The following WIZ variants were observed in gnomAD, a reference collection of about 807,000 sequenced individuals.
The protein encoded by WIZ is WIZ zinc finger.
A neutral mutation model predicts 140.2 loss-of-function variants in WIZ; 25 were observed. The observed-to-expected ratio is 0.18, with a 90% CI of 0.13 to 0.25. The LOEUF (loss-of-function observed/expected upper bound fraction) is 0.25, where lower values mean the gene tolerates loss of function less well. WIZ is among the 10% of genes least tolerant of loss of function. WIZ has a pLI of 1.00. For synonymous variants in WIZ, 1,125 were observed against 1,154.3 expected (o/e 0.97, Z 0.51); for missense variants, 2,231 against 2,632.6 (o/e 0.85, Z 3.34).
chr19:15,442,795 G>A lies in WIZ; in HGVS notation c.206-47C>T, dbSNP rs942056682. 9.4e-6 allele frequency: 11 copies of A among 1,173,302 alleles called. No individual in the cohort carries two copies. The African/African-American group carries it at 1.1e-4, about 12-fold the overall frequency. The allele number at this position is 1,173,302 out of a possible 1,614,324, so 72.7% of individuals were successfully genotyped here. A position where few individuals can be genotyped will look rare whatever the true frequency, so the allele number is the denominator to read the frequency against. On this transcript the variant is annotated intron_variant, in intron 2 of 12. Transcript: ENST00000673675. This position sits in a 1 kb window ranked among gnomAD's most constrained non-coding sequence, Gnocchi z 5.5. ...CTGAGGGGCTGGGGTCCCCCTGGCC[G>A]GGGCCCTCCACACCCCAGCTCCAGG...
chr19:15,446,470 G>A (rs1489294289), intron 2 of WIZ, among the ~76,000 whole-genome samples: 1 of 152,162 alleles, frequency 6.6e-6, no homozygotes, highest in Non-Finnish European at 1.5e-5. Context: ...GCTTAGAGGA[G>A]GGGATTGCTA....
Position 15,427,388 on chromosome 19 carries a change from G to T in WIZ, c.3960C>A (p.Asp1320Glu). ...GTCTCTTCAGGATCTCCCGCAGCGT[G>T]TCGATGGGCGAGCCATTGACGTACC... is the stretch of plus-strand genomic sequence containing the variant. The part of the protein sequence containing the change: ...TEWYVNGSPI[D>E]TLREILKRRT... The change falls in exon 9 of 13, where the codon GAC becomes GAA. Residue 1320 changes from aspartate (D) to glutamate (E), a missense_variant. Around this residue, in one of 15 missense-constraint regions of WIZ, gnomAD observed 393 missense variants for 451.7 expected, o/e 0.87. Transcript: ENST00000673675. This position sits in a 1 kb window ranked among gnomAD's most constrained non-coding sequence, Gnocchi z 6.4. 6.2e-7 allele frequency: 1 copy of T among 1,613,540 alleles called. No individual in the cohort carries two copies. Among genetic ancestry groups the T allele is most frequent in the Non-Finnish European group, 8.5e-7 (1 of 1,179,994 alleles).
At chr19:15,431,295 G>A (rs1969220982) in intron 5 of WIZ, 113 bp from the exon 6 acceptor site, 4 of 1,309,972 alleles carry the variant, frequency 3.1e-6, no homozygotes, top group Non-Finnish European at 4.0e-6. Context: ...TCTGCGAAGC[G>A]ACTCACCCCA....
rs1968584272 is a variant in WIZ, at chr19:15,424,442, A to C, written c.5315-64T>G. 6.4e-7 allele frequency: 1 copy of C among 1,568,104 alleles called. No homozygotes were observed. Among genetic ancestry groups the C allele is most frequent in the Non-Finnish European group, 8.6e-7 (1 of 1,158,300 alleles). On this transcript the variant is annotated intron_variant, in intron 11 of 12. Transcript: ENST00000673675. The surrounding 1 kb of genome is among the most constrained non-coding windows in gnomAD (Gnocchi z 9.7). The stretch of plus-strand genomic sequence containing the variant: ...TGGATGCTGCAGAGACTTGGAATAC[A>C]CAAGAGCTGAGGACTGATGCTACCT...
intron 1 of WIZ, among the ~76,000 whole-genome samples, chr19:15,448,908 T>TC (rs1385655151): frequency 6.6e-6 from 1 of 151,510 alleles, no homozygotes; most frequent in Non-Finnish European, 1.5e-5. Context: ...CTCCAACCCT[T>TC]CCCCCACACA....
At chr19:15,444,689 G>T (rs148082902) in intron 2 of WIZ, among the ~76,000 whole-genome samples, 1,704 of 152,328 alleles carry the variant, frequency 0.011, 15 homozygotes, top group Middle Eastern at 0.02. Flanking sequence ...AGTTGGGAAA[G>T]AAAGGCCTGG....
At chr19:15,448,052 T>G in intron 2 of WIZ, 51 bp downstream of exon 2, 1 of 1,602,752 alleles carries the variant, frequency 6.2e-7, no homozygotes. Context: ...TCTCTGAGCC[T>G]TGGGGAATGG....
chr19:15,438,649 C>T lies in WIZ; in HGVS notation c.2345G>A (p.Arg782His), dbSNP rs1434707651. Residue 782 changes from arginine to histidine, a missense_variant, in exon 4 of 13, where the codon CGC becomes CAC. By Grantham distance (29) the Arg-to-His change is conservative. This residue lies in a region of WIZ where 118 missense variants were observed against 209.1 expected (regional missense o/e 0.56). Transcript: ENST00000673675. ...LNRVGVSYNV[R>H]HFISAEEVKA... ...CACCTCCTCAGCGGAGATGAAATGG[C>T]GCACATTGTAGCTGACGCCCACGCG... 1.3e-6 allele frequency: 2 copies of T among 1,535,502 alleles called. No individual in the cohort carries two copies. The highest frequency in any genetic ancestry group is 2.0e-5 in the Admixed American group (1 of 50,978).
intron 7 of WIZ, among the ~76,000 whole-genome samples, 163 bp downstream of exon 7, chr19:15,429,423 C>A (rs1205677778): frequency 1.3e-5 from 2 of 152,222 alleles, no homozygotes; most frequent in African/African-American, 2.4e-5. Flanking sequence ...AAAGGAGATG[C>A]AGAGGCTTGA....
intron 5 of WIZ, chr19:15,433,144 G>C (rs1969378285): frequency 1.4e-6 from 1 of 714,050 alleles, no homozygotes; most frequent in South Asian, 6.3e-5. Flanking sequence ...CCATCTCCGA[G>C]TCGGGGATCC....
Position 15,438,594 on chromosome 19 carries a change from C to A in WIZ, c.2400G>T (p.Gln800His). ...CTGCCCTACCTTTTTTCTTCTTCTT[C>A]TGGAAGGAGAACCTGCGCTCAATGG... ...VKAIERRFSF[Q>H]KKKKKVANFD... The change falls in exon 4 of 13, where the codon CAG becomes CAT. Residue 800 changes from glutamine (Q) to histidine (H), a missense_variant. Physicochemically the swap from Gln to His is conservative, Grantham distance 24. Transcript: ENST00000673675. 6.6e-7 allele frequency: 1 copy of A among 1,505,664 alleles called. No homozygotes were observed. Among genetic ancestry groups the A allele is most frequent in the Middle Eastern group, 1.7e-4 (1 of 5,858 alleles). 93.3% of individuals were successfully genotyped at this position (1,505,664 alleles called of 1,614,324 possible).
Position 15,431,177 on chromosome 19 carries a change from C to G in WIZ, c.2746G>C (p.Gly916Arg). Reference sequence around the variant, plus strand: ...GCCACCATTGCGTTTTCCTCAGAACCCAGGCCTGTGGGTTGGGGAGACAGG... The same window carrying G: ...GCCACCATTGCGTTTTCCTCAGAACGCAGGCCTGTGGGTTGGGGAGACAGG... ...DPGPAYGDGL[G>R]SEENAMVAMD... Residue 916 changes from glycine (G) to arginine (R), a missense_variant, in exon 6 of 13, where the codon GGT (glycine) becomes CGT (arginine). Physicochemically the swap from Gly to Arg is moderately radical, Grantham distance 125. Coordinates refer to ENST00000673675, the MANE Select transcript of WIZ (RefSeq NM_001371589.1). The G allele has an allele frequency of 6.6e-7, 1 of 1,519,974 alleles. No individual in the cohort carries two copies. Among genetic ancestry groups the G allele is most frequent in the Non-Finnish European group, 8.8e-7 (1 of 1,136,522 alleles). The allele number at this position is 1,519,974 out of a possible 1,614,324, so 94.2% of individuals were successfully genotyped here. A position where few individuals can be genotyped will look rare whatever the true frequency, so the allele number is the denominator to read the frequency against.
chr19:15,435,876 T>A (rs981478248), intron 5 of WIZ, among the ~76,000 whole-genome samples: 4 of 150,968 alleles, frequency 2.6e-5, no homozygotes, highest in Non-Finnish European at 5.9e-5. Context: ...TAATCCCAGC[T>A]CTTTGGGGGC....
Position 15,424,491 on chromosome 19 carries a change from T to C in WIZ, c.5315-113A>G, listed in dbSNP as rs1441541268. The C allele has an allele frequency of 3.3e-6, 5 of 1,524,990 alleles. No individual in the cohort carries two copies. The African/African-American group carries it at 4.2e-5, about 13-fold the overall frequency. 94.5% of individuals were successfully genotyped at this position (1,524,990 alleles called of 1,614,324 possible). On this transcript the variant is annotated intron_variant, in intron 11 of 12. Coordinates refer to ENST00000673675, the MANE Select transcript of WIZ (RefSeq NM_001371589.1). This position sits in a 1 kb window ranked among gnomAD's most constrained non-coding sequence, Gnocchi z 9.7. ...CTGGATGGGTGGGATGGGGGATGGA[T>C]GGGTGAATGGGTAAGCAACTGGAGA...
chr19:15,438,939 C>T lies in WIZ; in HGVS notation c.2055G>A (p.Val685=). The change falls in exon 4 of 13, where the codon GTG becomes GTA. Residue 685 remains valine, a synonymous_variant. Coordinates refer to ENST00000673675, the MANE Select transcript of WIZ (RefSeq NM_001371589.1). Reference sequence around the variant, plus strand: ...CCTGCGGCCCCAGCTTCGCCACGAGCACAATGGGTACCATCCCTCGGAGCT... The same window carrying T: ...CCTGCGGCCCCAGCTTCGCCACGAGTACAATGGGTACCATCCCTCGGAGCT... ...QQQLRGMVPI[V]LVAKLGPQVM... 1 of 1,447,132 alleles carries T rather than the reference C, an allele frequency of 6.9e-7. No homozygotes were observed. The highest frequency in any genetic ancestry group is 9.1e-7 in the Non-Finnish European group (1 of 1,101,510). The allele number at this position is 1,447,132 out of a possible 1,614,324, so 89.6% of individuals were successfully genotyped here. A position where few individuals can be genotyped will look rare whatever the true frequency, so the allele number is the denominator to read the frequency against.
At chr19:15,426,074 G>C (rs566173665) in intron 9 of WIZ, among the ~76,000 whole-genome samples, 1 of 151,752 alleles carries the variant, frequency 6.6e-6, no homozygotes, top group South Asian at 2.1e-4. Context: ...TCTTCTGCTT[G>C]TTCTGTCACT....
intron 2 of WIZ, among the ~76,000 whole-genome samples, chr19:15,444,085 T>C (rs1393097413): frequency 6.6e-6 from 1 of 152,204 alleles, no homozygotes; most frequent in Non-Finnish European, 1.5e-5. Flanking sequence ...GGGGAACTTG[T>C]GCCCCGTCCA....
In WIZ at chr19:15,438,729, G is replaced by A. The variant is rs1276491666; in HGVS notation, c.2265C>T (p.Pro755=). 13 of 1,536,014 alleles carry A rather than the reference G, an allele frequency of 8.5e-6. No homozygotes were observed. Among genetic ancestry groups the A allele is most frequent in the South Asian group, 1.2e-5 (1 of 84,068 alleles). Residue 755 remains proline, a synonymous_variant, in exon 4 of 13, where the codon CCC becomes CCT. Transcript: ENST00000673675. The stretch of plus-strand genomic sequence containing the variant: ...AGCCGATGCCGTTGTGGAAGCGATC[G>A]GGGCAGTAGGGGCATTTCCGCTCCT... The part of the protein sequence containing the change: ...KHEERKCPYC[P]DRFHNGIGLA...
Position 15,428,194 on chromosome 19 carries a change from G to A in WIZ, c.3730C>T (p.Pro1244Ser), listed in dbSNP as rs537978769. 1.4e-5 allele frequency: 21 copies of A among 1,534,322 alleles called. No individual in the cohort carries two copies. Among genetic ancestry groups the A allele is most frequent in the Non-Finnish European group, 1.8e-5 (21 of 1,146,716 alleles). The change falls in exon 8 of 13, where the codon CCC becomes TCC. Residue 1244 changes from proline to serine, a missense_variant. Coordinates refer to ENST00000673675, the MANE Select transcript of WIZ (RefSeq NM_001371589.1). This position sits in a 1 kb window ranked among gnomAD's most constrained non-coding sequence, Gnocchi z 6.4. The stretch of plus-strand genomic sequence containing the variant: ...GCCGAGAGGTCCTGCTTCCCCCAGG[G>A]GCTGGCCATACCCGCGGCCTTCAGC... ...AKLKAAGMASPWGKQDLSAAA... is the reference protein window; with the variant it reads ...AKLKAAGMASSWGKQDLSAAA...
Sources: gnomAD v4.1 joint callset for allele counts (sites outside exome capture counted in the v4.1 genomes callset) on GRCh38, gnomAD v4.1.1 for gene constraint, gnomAD v4.1.1 regional missense constraint, Gnocchi (gnomAD v3.1) non-coding constraint, MANE v1.5 for transcripts, NCBI Gene and HGNC (gene_info 2026-07-23, HGNC 2026-07-21) for gene names.